GLUL: variants seen among roughly 807,000 people sequenced by gnomAD.
GLUL encodes the protein glutamate-ammonia ligase.
A neutral mutation model predicts 36.9 loss-of-function variants in GLUL; 8 were observed. The observed-to-expected ratio is 0.22, with a 90% CI of 0.13 to 0.39. The LOEUF is 0.39. Among genes scored for constraint, GLUL ranks in the 10% least tolerant of loss-of-function variants. The pLI is 1.00. For missense variants in GLUL, 315 were observed against 501.8 expected (o/e 0.63, Z 3.56); for synonymous variants, 182 against 172.8 (o/e 1.05, Z -0.42).
Position 182,382,958 on chromosome 1 carries a change from G to A in GLUL, c.*1447C>T, listed in dbSNP as rs189204427. On this transcript the variant is annotated 3_prime_UTR_variant, in exon 7 of 7. Transcript: ENST00000331872. ...TTACACAGTTTGTTTACAATGAGGA[G>A]TTATTTGACTTTGAACATACTGTAC... is the stretch of plus-strand genomic sequence containing the variant. 19 of 152,308 alleles carry A rather than the reference G, an allele frequency of 1.2e-4. No homozygotes were observed. Among genetic ancestry groups the A allele is most frequent in the African/African-American group, 3.1e-4 (13 of 41,570 alleles). 9.4% of individuals were successfully genotyped at this position (152,308 alleles called of 1,614,324 possible). A position where few individuals can be genotyped will look rare whatever the true frequency, so the allele number is the denominator to read the frequency against.
At chr1:182,389,158 A>G in intron 1 of GLUL, 1 of 242,254 alleles carries the variant, frequency 4.1e-6, no homozygotes. Context: ...AGCTGAGGTT[A>G]ACACTAAACT....
chr1:182,391,367 C>T (rs1650410332), intron 1 of GLUL: 1 of 397,752 alleles, frequency 2.5e-6, no homozygotes, highest in Non-Finnish European at 4.4e-6. Context: ...CAGGCCGGCC[C>T]AACGGCCTCC....
chr1:182,383,164 T>G lies in GLUL; in HGVS notation c.*1241A>C, dbSNP rs1650011084. On this transcript the variant is annotated 3_prime_UTR_variant, in exon 7 of 7. Coordinates refer to ENST00000331872, the MANE Select transcript of GLUL (RefSeq NM_001033044.4). Reference sequence around the variant, plus strand: ...AGACATCAAGATACAAAATTACAAGTGTTTTGACTCCAGCCCTGTCCCCAT... The same window carrying G: ...AGACATCAAGATACAAAATTACAAGGGTTTTGACTCCAGCCCTGTCCCCAT... 6.6e-6 allele frequency: 1 copy of G among 152,184 alleles called. No homozygotes were observed. The highest frequency in any genetic ancestry group is 2.4e-5 in the African/African-American group (1 of 41,432). 9.4% of individuals were successfully genotyped at this position (152,184 alleles called of 1,614,324 possible).
Position 182,386,288 on chromosome 1 carries a change from C to T in GLUL, c.443G>A (p.Gly148Asp), listed in dbSNP as rs1348226195. 6.2e-7 allele frequency: 1 copy of T among 1,613,830 alleles called. No homozygotes were observed. Among genetic ancestry groups the T allele is most frequent in the South Asian group, 1.1e-5 (1 of 91,066 alleles). Reference protein sequence around the residue: ...TLMGTDGHPFGWPSNGFPGPQ... With the variant: ...TLMGTDGHPFDWPSNGFPGPQ... ...CCCTGGGAAGCCGTTGGAAGGCCAA[C>T]CAAAGGGGTGCCCATCTGTCCCCAT... The change falls in exon 4 of 7, where the codon GGT becomes GAT. Residue 148 changes from glycine (G) to aspartate (D), a missense_variant. Gly to Asp is a moderately conservative substitution (Grantham distance 94). This residue lies in a region of GLUL where 256 missense variants were observed against 396.1 expected (regional missense o/e 0.65). Coordinates refer to ENST00000331872, the MANE Select transcript of GLUL (RefSeq NM_001033044.4).
chr1:182,389,586 T>A (rs573515680), intron 1 of GLUL: 17 of 152,046 alleles, frequency 1.1e-4, no homozygotes, highest in African/African-American at 4.1e-4. Context: ...CACTTCTAAA[T>A]CAAAAAGATC....
intron 3 of GLUL, chr1:182,386,607 A>G (rs1272147366): frequency 5.2e-5 from 32 of 620,888 alleles, no homozygotes; most frequent in Non-Finnish European, 8.1e-5. Flanking sequence ...AAGACTCTGA[A>G]AGACTTCAGT....
chr1:182,387,314 T>C (rs1471599177), intron 2 of GLUL, 22 bp from the exon 3 acceptor site: 3 of 1,595,198 alleles, frequency 1.9e-6, no homozygotes, highest in East Asian at 2.2e-5. Context: ...AGAGGGAAAA[T>C]TACATTTAAA....
rs940583500 is a variant in GLUL at position 182,381,259 on chromosome 1, C to T, written c.*3146G>A. ...ACTCCAGCCTGGGTGAGAGTCAGAC[C>T]CCGTCTCAAAAACAACAAAAGGCCC... is the stretch of plus-strand genomic sequence containing the variant. On this transcript the variant is annotated 3_prime_UTR_variant, in exon 7 of 7. Coordinates refer to ENST00000331872, the MANE Select transcript of GLUL (RefSeq NM_001033044.4). 1.3e-5 allele frequency among the ~76,000 whole-genome samples: 2 copies of T among 150,174 alleles called. No homozygotes were observed. Among genetic ancestry groups the T allele is most frequent in the Admixed American group, 6.6e-5 (1 of 15,092 alleles).
intron 4 of GLUL, 88 bp downstream of exon 4, chr1:182,386,168 T>C: frequency 7.5e-7 from 1 of 1,330,070 alleles, no homozygotes; most frequent in East Asian, 2.3e-5. Context: ...GCTTCTTGAT[T>C]CTGAAAGTCA....
chr1:182,384,401 C>A lies in GLUL; in HGVS notation c.*4G>T. On this transcript the variant is annotated 3_prime_UTR_variant, in exon 7 of 7. Transcript: ENST00000331872. ...GGGGCTCAACAGCTGGAGGTCTAGT[C>A]CACTTAATTTTTGTACTGGAAGGGC... 1 of 1,599,266 alleles carries A rather than the reference C, an allele frequency of 6.3e-7. No homozygotes were observed. Among genetic ancestry groups the A allele is most frequent in the Middle Eastern group, 1.7e-4 (1 of 5,988 alleles).
In GLUL at chr1:182,381,021, G is replaced by A. The variant is rs1336027995; in HGVS notation, c.*3384C>T. ...TCCCAGCACTTTGGGAGGTGGAGGA[G>A]TTCAAGACCAGTTCAAGACCTCACT... On this transcript the variant is annotated 3_prime_UTR_variant, in exon 7 of 7. Transcript: ENST00000331872. Among the ~76,000 whole-genome samples the A allele has an allele frequency of 6.6e-6, 1 of 152,228 alleles. No homozygotes were observed. Among genetic ancestry groups the A allele is most frequent in the African/African-American group, 2.4e-5 (1 of 41,458 alleles).
At position 182,385,297 on chromosome 1, in the gene GLUL, G is replaced by A. The variant is rs1015078973; in HGVS notation, c.803+60C>T. The A allele has an allele frequency of 1.8e-5, 23 of 1,281,262 alleles. No individual in the cohort carries two copies. The Admixed American group carries it at 2.0e-4, about 11-fold the overall frequency. 79.4% of individuals were successfully genotyped at this position (1,281,262 alleles called of 1,614,324 possible). A position where few individuals can be genotyped will look rare whatever the true frequency, so the allele number is the denominator to read the frequency against. ...GGAGACTTTGCTGAGAGATTGCTAA[G>A]TCTCCTCCCAAGTTTTCTGCCACAG... On this transcript the variant is annotated intron_variant, in intron 6 of 6. Coordinates refer to ENST00000331872, the MANE Select transcript of GLUL (RefSeq NM_001033044.4).
In GLUL at chr1:182,381,928, C is replaced by A. The variant is rs981352674; in HGVS notation, c.*2477G>T. On this transcript the variant is annotated 3_prime_UTR_variant, in exon 7 of 7. Transcript: ENST00000331872. ...GAAACAGGCATAAACTAGGACCACG[C>A]CAGCAAGCTAATAGGTAGATGACTC... 5.3e-5 allele frequency: 8 copies of A among 152,232 alleles called. No homozygotes were observed. In the South Asian group the frequency reaches 6.2e-4, roughly 12 times the overall value. 9.4% of individuals were successfully genotyped at this position (152,232 alleles called of 1,614,324 possible).
rs1456134526 is a variant in GLUL at position 182,381,444 on chromosome 1, C to T, written c.*2961G>A. ...TGGCCTGACTCCTTAAGGTTGAAAG[C>T]TTGGTCATTATTCTGTTTAATCTAT... On this transcript the variant is annotated 3_prime_UTR_variant, in exon 7 of 7. Transcript: ENST00000331872. Among the ~76,000 whole-genome samples the T allele has an allele frequency of 6.6e-6, 1 of 152,180 alleles. No individual in the cohort carries two copies. Among genetic ancestry groups the T allele is most frequent in the Non-Finnish European group, 1.5e-5 (1 of 68,030 alleles).
chr1:182,383,268 T>A lies in GLUL; in HGVS notation c.*1137A>T, dbSNP rs571173521. ...AAATTACCTAGAAACCCTACAAATTTGATTAAAATCTAAACTTCTATAATT... is the reference window on the plus strand; with the variant it reads ...AAATTACCTAGAAACCCTACAAATTAGATTAAAATCTAAACTTCTATAATT... On this transcript the variant is annotated 3_prime_UTR_variant, in exon 7 of 7. Coordinates refer to ENST00000331872, the MANE Select transcript of GLUL (RefSeq NM_001033044.4). The A allele has an allele frequency of 6.6e-6, 1 of 152,198 alleles. No homozygotes were observed. The highest frequency in any genetic ancestry group is 2.4e-5 in the African/African-American group (1 of 41,450). 9.4% of individuals were successfully genotyped at this position (152,198 alleles called of 1,614,324 possible). A position where few individuals can be genotyped will look rare whatever the true frequency, so the allele number is the denominator to read the frequency against.
rs1650078137 is a variant in GLUL, at chr1:182,384,430, T to C, written c.1097A>G (p.Asp366Gly). Residue 366 changes from aspartate to glycine, a missense_variant, in exon 7 of 7, where the codon GAT (aspartate) becomes GGT (glycine). Asp to Gly is a moderately conservative substitution (Grantham distance 94, BLOSUM62 -1). Around this residue, in one of 3 missense-constraint regions of GLUL, gnomAD observed 58 missense variants for 89.5 expected, o/e 0.65. Coordinates refer to ENST00000331872, the MANE Select transcript of GLUL (RefSeq NM_001033044.4). ...IRTCLLNETG[D>G]EPFQYKN is the part of the protein sequence containing the mutation. ...TTAATTTTTGTACTGGAAGGGCTCATCGCCGGTTTCATTGAGAAGACACGT... is the reference window on the plus strand; with the variant it reads ...TTAATTTTTGTACTGGAAGGGCTCACCGCCGGTTTCATTGAGAAGACACGT... 6.2e-7 allele frequency: 1 copy of C among 1,613,702 alleles called. No individual in the cohort carries two copies.
Position 182,378,285 on chromosome 1 carries a change from CT to C in GLUL, c.*6119del, listed in dbSNP as rs1405718271. On this transcript the variant is annotated 3_prime_UTR_variant, in exon 7 of 7. Coordinates refer to ENST00000331872, the MANE Select transcript of GLUL (RefSeq NM_001033044.4). ...CTGAAATCCATCAAAAAGAGGACAA[CT>C]TGCTCAGGTACAAGGCCCCTGAAAA... Among the ~76,000 whole-genome samples, 2 of 152,214 alleles carry C rather than the reference CT, an allele frequency of 1.3e-5. No homozygotes were observed. The highest frequency in any genetic ancestry group is 4.8e-5 in the African/African-American group (2 of 41,448).
At position 182,384,706 on chromosome 1, in the gene GLUL, A is replaced by G. The variant is rs1428679391; in HGVS notation, c.821T>C (p.Ile274Thr). ...ENGLKYIEEAIEKLSKRHQYH... is the reference protein window; with the variant it reads ...ENGLKYIEEATEKLSKRHQYH... ...CTGGTGCCGCTTGCTTAGTTTCTCA[A>G]TGGCCTCCTCGATGTACCTAGAGTA... The change falls in exon 7 of 7, where the codon ATT becomes ACT. Residue 274 changes from isoleucine to threonine, a missense_variant. Physicochemically the swap from Ile to Thr is moderately conservative, Grantham distance 89 (BLOSUM62 -1). This residue lies in a region of GLUL where 256 missense variants were observed against 396.1 expected (regional missense o/e 0.65). Transcript: ENST00000331872. The G allele has an allele frequency of 5.0e-6, 8 of 1,613,884 alleles. No individual in the cohort carries two copies. The highest frequency in any genetic ancestry group is 1.1e-5 in the South Asian group (1 of 91,074).
Position 182,388,623 on chromosome 1 carries a change from C to T in GLUL, c.115G>A (p.Gly39Arg), listed in dbSNP as rs771917245. 1 of 1,613,974 alleles carries T rather than the reference C, an allele frequency of 6.2e-7. No homozygotes were observed. Among genetic ancestry groups the T allele is most frequent in the Non-Finnish European group, 8.5e-7 (1 of 1,179,854 alleles). Residue 39 changes from glycine (G) to arginine (R), a missense_variant, in exon 2 of 7, where the codon GGA (glycine) becomes AGA (arginine). Transcript: ENST00000331872. ...MYIWIDGTGE[G>R]LRCKTRTLDS... Reference sequence around the variant, plus strand: ...AGGGTCCGGGTCTTGCAGCGCAGTCCTTCTCCAGTACCATCGATCCAGATA... The same window carrying T: ...AGGGTCCGGGTCTTGCAGCGCAGTCTTTCTCCAGTACCATCGATCCAGATA...
Sources: gnomAD v4.1 joint callset for allele counts (sites outside exome capture counted in the v4.1 genomes callset) on GRCh38, gnomAD v4.1.1 for gene constraint, gnomAD v4.1.1 regional missense constraint, MANE v1.5 for transcripts, NCBI Gene and HGNC (gene_info 2026-07-23, HGNC 2026-07-21) for gene names.